PDE10A: variants seen among roughly 807,000 people sequenced by gnomAD.
PDE10A encodes the protein cAMP and cAMP-inhibited cGMP 3',5'-cyclic phosphodiesterase 10A.
In PDE10A, 39 loss-of-function variants were observed where a neutral mutation model predicts 97.7. That is an observed-to-expected ratio of 0.40 (90% CI 0.31 to 0.52). The LOEUF (loss-of-function observed/expected upper bound fraction) is 0.52, where lower values mean the gene tolerates loss of function less well. Among genes scored for constraint, PDE10A ranks in the 20% least tolerant of loss-of-function variants. PDE10A has a pLI of 0.56. For missense variants in PDE10A, 731 were observed against 1,047.8 expected (o/e 0.70, Z 4.17); for synonymous variants, 371 against 376.8 (o/e 0.98, Z 0.18).
At chr6:165,687,531 G>A (rs924928328) in intron 1 of PDE10A, among the ~76,000 whole-genome samples, 1 of 152,186 alleles carries the variant, frequency 6.6e-6, no homozygotes, top group Non-Finnish European at 1.5e-5. Flanking sequence ...CATTAGCAAG[G>A]TGACTTTCAA....
intron 1 of PDE10A, among the ~76,000 whole-genome samples, chr6:165,896,298 T>C (rs1781946459): frequency 6.6e-6 from 1 of 152,170 alleles, no homozygotes; most frequent in Admixed American, 6.5e-5. Context: ...TCCATGACTG[T>C]CATTTTAGTA....
In PDE10A at chr6:165,388,264, C is replaced by T. The variant is rs1323716613; in HGVS notation, c.2610+34G>A. 1.9e-6 allele frequency: 3 copies of T among 1,608,086 alleles called. No individual in the cohort carries two copies. Among genetic ancestry groups the T allele is most frequent in the Non-Finnish European group, 2.6e-6 (3 of 1,175,196 alleles). ...TATCCCTATCTCCCAGACAGCCCTT[C>T]AGACTAAGCGAGAGACGGCGTGCAG... On this transcript the variant is annotated intron_variant, in intron 17 of 21. Coordinates refer to ENST00000539869, the MANE Select transcript of PDE10A (RefSeq NM_001385079.1). The surrounding 1 kb of genome is among the most constrained non-coding windows in gnomAD (Gnocchi z 4.0).
At chr6:165,837,965 G>T (rs149033176) in intron 1 of PDE10A, among the ~76,000 whole-genome samples, 1 of 152,160 alleles carries the variant, frequency 6.6e-6, no homozygotes, top group Non-Finnish European at 1.5e-5. Flanking sequence ...GGTTACAGGC[G>T]TGAGCCACCT....
At chr6:165,470,933 T>C (rs1778963233) in intron 3 of PDE10A, among the ~76,000 whole-genome samples, 1 of 152,218 alleles carries the variant, frequency 6.6e-6, no homozygotes, top group South Asian at 2.1e-4. Context: ...CCGGAGCTTT[T>C]TGTTGCCTCT....
intron 1 of PDE10A, among the ~76,000 whole-genome samples, chr6:165,779,474 T>G (rs1778288074): frequency 6.6e-6 from 1 of 152,232 alleles, no homozygotes; most frequent in Non-Finnish European, 1.5e-5. Context: ...CTGCATCAAG[T>G]CCTACGTGGG....
At chr6:165,467,572 T>G (rs1778730951) in intron 3 of PDE10A, among the ~76,000 whole-genome samples, 1 of 152,200 alleles carries the variant, frequency 6.6e-6, no homozygotes, top group Non-Finnish European at 1.5e-5. Context: ...GGACATCACA[T>G]CTGTTTTTGG....
chr6:165,905,902 C>A (rs1168292250), intron 1 of PDE10A, among the ~76,000 whole-genome samples: 1 of 151,930 alleles, frequency 6.6e-6, no homozygotes, highest in Non-Finnish European at 1.5e-5. Context: ...AGTATACGTT[C>A]TTGTAATTGA....
At chr6:165,721,473 A>G (rs1433592977) in intron 1 of PDE10A, among the ~76,000 whole-genome samples, 1 of 152,342 alleles carries the variant, frequency 6.6e-6, no homozygotes, top group Middle Eastern at 3.4e-3. Flanking sequence ...TGCAGGAGAC[A>G]CTTTTTGTCA....
At chr6:165,358,106 A>G (rs548298077) in intron 18 of PDE10A, among the ~76,000 whole-genome samples, 1 of 152,238 alleles carries the variant, frequency 6.6e-6, no homozygotes, top group East Asian at 1.9e-4. Flanking sequence ...TTTACTTTCC[A>G]AATGGTTGGG....
intron 1 of PDE10A, among the ~76,000 whole-genome samples, chr6:165,644,890 T>G (rs978011495): frequency 2.6e-5 from 4 of 152,242 alleles, no homozygotes; most frequent in Non-Finnish European, 5.9e-5. Flanking sequence ...TGGATTTACG[T>G]TGATCTCCAG....
chr6:165,976,017 G>C (rs1449300599), intron 1 of PDE10A, among the ~76,000 whole-genome samples: 2 of 152,148 alleles, frequency 1.3e-5, no homozygotes, highest in African/African-American at 2.4e-5. Flanking sequence ...TAGAATCAGA[G>C]ACTGAACAAC....
intron 1 of PDE10A, among the ~76,000 whole-genome samples, chr6:165,693,809 C>G (rs1008091815): frequency 6.6e-6 from 1 of 152,062 alleles, no homozygotes; most frequent in Non-Finnish European, 1.5e-5. Context: ...TCATTTCAGG[C>G]AAAAAGGTCA....
At chr6:165,387,840 T>C (rs904331502) in intron 17 of PDE10A, among the ~76,000 whole-genome samples, 2 of 152,188 alleles carry the variant, frequency 1.3e-5, no homozygotes, top group Non-Finnish European at 2.9e-5. Context: ...TCTGTGATTG[T>C]CTACATCAAT....
intron 1 of PDE10A, among the ~76,000 whole-genome samples, chr6:165,864,346 A>G (rs1047133779): frequency 1.3e-5 from 2 of 152,242 alleles, no homozygotes; most frequent in Non-Finnish European, 2.9e-5. Flanking sequence ...CAAGGTTCTA[A>G]AGGAACCCTG....
chr6:165,635,320 C>G (rs1441297240), intron 1 of PDE10A, among the ~76,000 whole-genome samples: 1 of 152,156 alleles, frequency 6.6e-6, no homozygotes, highest in African/African-American at 2.4e-5. Flanking sequence ...GTTAATATCT[C>G]CCAAAGGAAT....
chr6:165,672,428 A>C (rs1790673293), intron 1 of PDE10A, among the ~76,000 whole-genome samples: 1 of 152,224 alleles, frequency 6.6e-6, no homozygotes, highest in Admixed American at 6.5e-5. Context: ...TTTATAATAA[A>C]GTGTTCAATA....
At chr6:165,602,800 A>G (rs2128396271) in intron 1 of PDE10A, among the ~76,000 whole-genome samples, 1 of 152,240 alleles carries the variant, frequency 6.6e-6, no homozygotes, top group Non-Finnish European at 1.5e-5. Context: ...ATGATAGTTT[A>G]TAAGAAGACG....
chr6:165,811,816 G>A (rs898297196), intron 1 of PDE10A, among the ~76,000 whole-genome samples: 1 of 151,990 alleles, frequency 6.6e-6, no homozygotes, highest in Non-Finnish European at 1.5e-5. Context: ...TTATGCTGAC[G>A]GTGTGTTTGG....
At chr6:165,911,255 A>G (rs1239158413) in intron 1 of PDE10A, among the ~76,000 whole-genome samples, 1 of 152,240 alleles carries the variant, frequency 6.6e-6, no homozygotes, top group African/African-American at 2.4e-5. Context: ...GCTTTGTATT[A>G]ATACTAGTAA....
Sources: gnomAD v4.1 joint callset for allele counts (sites outside exome capture counted in the v4.1 genomes callset) on GRCh38, gnomAD v4.1.1 for gene constraint, Gnocchi (gnomAD v3.1) non-coding constraint, MANE v1.5 for transcripts, NCBI Gene and HGNC (gene_info 2026-07-23, HGNC 2026-07-21) for gene names.